The following WASHC5 variants were observed in gnomAD, a reference collection of about 807,000 sequenced individuals.
The protein encoded by WASHC5 is WASH complex subunit 5.
A neutral mutation model predicts 150.4 loss-of-function variants in WASHC5; 101 were observed. The observed-to-expected ratio is 0.67, with a 90% CI of 0.57 to 0.79. WASHC5 has a LOEUF of 0.79. Ranked by LOEUF, WASHC5 falls within the 30% of genes least tolerant of loss-of-function variation. WASHC5 has a pLI of 0.00. For missense variants in WASHC5, 1,195 were observed against 1,396.3 expected (o/e 0.86, Z 2.30); for synonymous variants, 467 against 491.2 (o/e 0.95, Z 0.65).
At chr8:125,086,973 A>G (rs539060299) in intron 1 of WASHC5, among the ~76,000 whole-genome samples, 1 of 152,322 alleles carries the variant, frequency 6.6e-6, no homozygotes, top group South Asian at 2.1e-4. Context: ...TAGACATATA[A>G]GGGATGAGGC....
Position 125,039,070 on chromosome 8 carries a change from A to T in WASHC5, c.2955-111T>A, listed in dbSNP as rs1177503335. The T allele has an allele frequency of 3.3e-6, 4 of 1,208,670 alleles. No individual in the cohort carries two copies. In the East Asian group the frequency reaches 9.5e-5, roughly 29 times the overall value. 74.9% of individuals were successfully genotyped at this position (1,208,670 alleles called of 1,614,324 possible). A position where few individuals can be genotyped will look rare whatever the true frequency, so the allele number is the denominator to read the frequency against. On this transcript the variant is annotated intron_variant, in intron 24 of 28. Transcript: ENST00000318410. ...TCAAGCCTCAGTTTCCTCATCTGTA[A>T]AATGAGAGCTTGATCTCGCTAATTC...
At chr8:125,087,182 A>G (rs1359360653) in intron 1 of WASHC5, among the ~76,000 whole-genome samples, 2 of 152,168 alleles carry the variant, frequency 1.3e-5, no homozygotes, top group African/African-American at 4.8e-5. Flanking sequence ...TGTTATTGTG[A>G]TATTTCATTT....
At chr8:125,028,759 C>T (rs926165658) in intron 27 of WASHC5, 52 bp from the exon 28 acceptor site, 4 of 1,278,034 alleles carry the variant, frequency 3.1e-6, no homozygotes, top group Non-Finnish European at 2.3e-6. Context: ...ATCATAAGCC[C>T]TTTTGGTCAG....
intron 26 of WASHC5, chr8:125,032,602 A>G (rs1369464331): frequency 1.7e-6 from 1 of 598,744 alleles, no homozygotes; most frequent in Non-Finnish European, 3.0e-6. Context: ...CAAAACCAAT[A>G]AAACGGTTAC....
intron 5 of WASHC5, among the ~76,000 whole-genome samples, chr8:125,080,844 T>C (rs1306009734): frequency 6.6e-6 from 1 of 152,244 alleles, no homozygotes; most frequent in Non-Finnish European, 1.5e-5. Flanking sequence ...TTTGTTTTTG[T>C]TTCTATGTAA....
chr8:125,048,992 AATTT>A lies in WASHC5; in HGVS notation c.2379+10_2379+13del. The A allele has an allele frequency of 6.3e-7, 1 of 1,594,132 alleles. No individual in the cohort carries two copies. The highest frequency in any genetic ancestry group is 1.7e-5 in the Admixed American group (1 of 58,360). On this transcript the variant is annotated intron_variant, in intron 19 of 28. Coordinates refer to ENST00000318410, the MANE Select transcript of WASHC5 (RefSeq NM_014846.4). The stretch of plus-strand genomic sequence containing the variant: ...TAACAAATATAGTCAAGAATTTTAA[AATTT>A]ATTAGATACCTTCGTTCTTAGAAAG...
At chr8:125,081,479 C>G (rs946780343) in intron 5 of WASHC5, among the ~76,000 whole-genome samples, 182 bp downstream of exon 5, 1 of 152,198 alleles carries the variant, frequency 6.6e-6, no homozygotes, top group Non-Finnish European at 1.5e-5. Context: ...CTCAGATGAT[C>G]TGCCTGCCTT....
At chr8:125,085,173 C>T (rs13282919) in intron 1 of WASHC5, among the ~76,000 whole-genome samples, 27,769 of 152,080 alleles carry the variant, frequency 0.18, 3,061 homozygotes, top group Middle Eastern at 0.35. Context: ...AGATGAAGTG[C>T]TTCAGTGTGT....
chr8:125,076,510 C>A lies in WASHC5; in HGVS notation c.712-10G>T. ...AAGGATACGCTGAGACCTGCAATGT[C>A]AAGACGACACCCCGAGAAAGCTGTT... On this transcript the variant is annotated splice_polypyrimidine_tract_variant and intron_variant, in intron 6 of 28. Transcript: ENST00000318410. 1 of 1,613,332 alleles carries A rather than the reference C, an allele frequency of 6.2e-7. No homozygotes were observed. Among genetic ancestry groups the A allele is most frequent in the South Asian group, 1.1e-5 (1 of 91,016 alleles).
At chr8:125,028,962 C>T (rs916061542) in intron 27 of WASHC5, among the ~76,000 whole-genome samples, 4 of 152,046 alleles carry the variant, frequency 2.6e-5, no homozygotes, top group Non-Finnish European at 5.9e-5. Flanking sequence ...GCTATCTATC[C>T]AGACTCATCT....
At chr8:125,078,591 C>A in intron 6 of WASHC5, 147 bp downstream of exon 6, 1 of 645,244 alleles carries the variant, frequency 1.5e-6, no homozygotes, top group Non-Finnish European at 2.7e-6. Flanking sequence ...TTTCCTTTAT[C>A]ATCCTGGGGT....
intron 20 of WASHC5, among the ~76,000 whole-genome samples, chr8:125,045,988 A>G (rs1816055527): frequency 6.6e-6 from 1 of 152,240 alleles, no homozygotes; most frequent in African/African-American, 2.4e-5. Context: ...ATGAGTCAAA[A>G]TTCCTTATTT....
intron 12 of WASHC5, 62 bp from the exon 13 acceptor site, chr8:125,059,604 T>TC (rs755576767): frequency 8.1e-7 from 1 of 1,237,784 alleles, no homozygotes; most frequent in Non-Finnish European, 1.2e-6. Context: ...GCTCATTTGT[T>TC]CTTGAAAACA....
rs145486908 is a variant in WASHC5 at position 125,029,843 on chromosome 8, T to C, written c.3336-1136A>G. 5.2e-5 allele frequency among the ~76,000 whole-genome samples: 8 copies of C among 152,384 alleles called. No individual in the cohort carries two copies. The East Asian group carries it at 7.7e-4, about 15-fold the overall frequency. ...GTACTATTAATACATTACTGGTTAA[T>C]TTCGCTGATGAACTTTGCTTTTTGA... On this transcript the variant is annotated intron_variant, in intron 27 of 28. Coordinates refer to ENST00000318410, the MANE Select transcript of WASHC5 (RefSeq NM_014846.4).
chr8:125,082,298 G>A (rs1000891427), intron 4 of WASHC5, 85 bp downstream of exon 4: 16 of 782,754 alleles, frequency 2.0e-5, no homozygotes, highest in Middle Eastern at 3.6e-4. Context: ...ATGGTATTTC[G>A]TATATATTTG....
At chr8:125,058,500 A>C (rs1047719873) in intron 14 of WASHC5, among the ~76,000 whole-genome samples, 1 of 151,920 alleles carries the variant, frequency 6.6e-6, no homozygotes, top group Non-Finnish European at 1.5e-5. Flanking sequence ...TAATCCCAGC[A>C]CTTTGGGAGG....
chr8:125,056,452 T>G (rs1398269447), intron 16 of WASHC5, among the ~76,000 whole-genome samples: 4 of 152,206 alleles, frequency 2.6e-5, no homozygotes, highest in African/African-American at 9.6e-5. Context: ...TCATTTCCCC[T>G]GAGAATACTG....
chr8:125,058,698 G>A (rs145042857), intron 14 of WASHC5, among the ~76,000 whole-genome samples: 116 of 151,864 alleles, frequency 7.6e-4, no homozygotes, highest in African/African-American at 2.7e-3. Flanking sequence ...ACTCCAGCCT[G>A]GGAAACAAAG....
chr8:125,076,011 GCTAT>G (rs1163308549), intron 7 of WASHC5, among the ~76,000 whole-genome samples: 1 of 152,108 alleles, frequency 6.6e-6, no homozygotes, highest in Non-Finnish European at 1.5e-5. Flanking sequence ...GATGAATTTG[GCTAT>G]CTTAGATTCA....
Sources: gnomAD v4.1 joint callset for allele counts (sites outside exome capture counted in the v4.1 genomes callset) on GRCh38, gnomAD v4.1.1 for gene constraint, MANE v1.5 for transcripts, NCBI Gene and HGNC (gene_info 2026-07-23, HGNC 2026-07-21) for gene names.